SYTL5: variants seen among roughly 807,000 people sequenced by gnomAD.
SYTL5 encodes synaptotagmin-like protein 5.
A neutral mutation model predicts 55.9 loss-of-function variants in SYTL5; 34 were observed. The observed-to-expected ratio is 0.61, with a 90% CI of 0.46 to 0.81. The LOEUF (loss-of-function observed/expected upper bound fraction) is 0.81, where lower values mean the gene tolerates loss of function less well. SYTL5 is among the 30% of genes least tolerant of loss of function. The pLI, the probability that SYTL5 is intolerant of heterozygous loss-of-function variation, is 0.00. For missense variants in SYTL5, 637 were observed against 546.7 expected (o/e 1.17, Z -1.65); for synonymous variants, 221 against 188.7 (o/e 1.17, Z -1.40).
chrX:37,944,288 A>C, the SYTL5 span, among the ~76,000 whole-genome samples: 1 of 108,528 alleles, frequency 9.2e-6, no homozygotes, highest in African/African-American at 3.6e-5. Context: ...CTGTTGAAAA[A>C]GATTTTTTTT....
At chrX:38,114,057 C>T (rs1937425900) in intron 13 of SYTL5, among the ~76,000 whole-genome samples, 1 of 111,341 alleles carries the variant, frequency 9.0e-6, no homozygotes, top group Admixed American at 9.5e-5. Flanking sequence ...CCCCCTTCCC[C>T]AGTACCCTTC....
the SYTL5 span, among the ~76,000 whole-genome samples, chrX:37,982,613 A>G: frequency 8.9e-6 from 1 of 111,834 alleles, no homozygotes; most frequent in African/African-American, 3.2e-5. Context: ...TAAATAATGT[A>G]TGTCATACAT....
chrX:37,990,310 G>T, the SYTL5 span, among the ~76,000 whole-genome samples: 1 of 112,114 alleles, frequency 8.9e-6, no homozygotes, highest in Non-Finnish European at 1.9e-5. Context: ...AAACCAAAGA[G>T]TTGATATGGG....
rs3067489 is a variant in SYTL5 at position 38,037,788 on chromosome X, TGATAGATAGATA to T, written c.119+3817_119+3828del. Among the ~76,000 whole-genome samples, 485 of 82,440 alleles carry T rather than the reference TGATAGATAGATA, an allele frequency of 5.9e-3. 1 individual carries two copies. Among genetic ancestry groups the T allele is most frequent in the Admixed American group, 8.5e-3 (66 of 7,791 alleles). The allele number at this position is 82,440 out of a possible 115,157, so 71.6% of individuals were successfully genotyped here. On this transcript the variant is annotated intron_variant, in intron 2 of 16. Transcript: ENST00000297875. ...CAATTAAATTCTGCAAACATTTTTC[TGATAGATAGATA>T]GATAGATAGATAGATAGATAGATAG...
chrX:37,926,719 A>G, the SYTL5 span, among the ~76,000 whole-genome samples: 1 of 111,754 alleles, frequency 8.9e-6, no homozygotes, highest in African/African-American at 3.3e-5. Context: ...GTGGGCTACC[A>G]GTCTCCAGAA....
At chrX:37,955,461 A>T in the SYTL5 span, among the ~76,000 whole-genome samples, 1 of 112,219 alleles carries the variant, frequency 8.9e-6, no homozygotes, top group South Asian at 3.6e-4. Context: ...TGTTTGCAAA[A>T]TGAGTGAGGT....
At chrX:38,003,645 T>C (rs2147270160), upstream of SYTL5, among the ~76,000 whole-genome samples, 1 of 111,945 alleles carries the variant, frequency 8.9e-6, no homozygotes, top group South Asian at 3.7e-4. Context: ...AAAATGTCCA[T>C]ATTGCCCAAG....
At chrX:38,101,427 A>C (rs1230367606) in intron 9 of SYTL5, among the ~76,000 whole-genome samples, 2 of 111,332 alleles carry the variant, frequency 1.8e-5, no homozygotes, top group Non-Finnish European at 3.8e-5. Context: ...AGTTAAAAAA[A>C]TTCCCATGAA....
At chrX:38,092,162 C>T (rs1350430980) in intron 7 of SYTL5, among the ~76,000 whole-genome samples, 3 of 112,102 alleles carry the variant, frequency 2.7e-5, no homozygotes. Context: ...CATTTCTTAG[C>T]ATCTCTTTGT....
At chrX:37,921,828 C>G in the SYTL5 span, among the ~76,000 whole-genome samples, 1 of 111,500 alleles carries the variant, frequency 9.0e-6, no homozygotes, top group African/African-American at 3.3e-5. Flanking sequence ...TAAGAGGGAA[C>G]AATAATAGTG....
At chrX:38,002,199 TGG>T (rs1933875903), upstream of SYTL5, among the ~76,000 whole-genome samples, 1 of 111,900 alleles carries the variant, frequency 8.9e-6, no homozygotes, top group Admixed American at 9.5e-5. Context: ...ATCAACTCAT[TGG>T]TTTTTATGGC....
rs762043213 is a variant in SYTL5, at chrX:38,030,137, C to T, written c.-356-3397C>T. Among the ~76,000 whole-genome samples, 6 of 111,243 alleles carry T rather than the reference C, an allele frequency of 5.4e-5. No individual in the cohort carries two copies. The South Asian group carries it at 2.3e-3, about 43-fold the overall frequency. ...CTTCTAGGTTGCCAACAGCATACTT[C>T]TCTGATCTAAACATGCAAAAAGCCA... On this transcript the variant is annotated intron_variant, in intron 1 of 16. Transcript: ENST00000297875.
chrX:38,066,174 T>A (rs1460116410), intron 3 of SYTL5, among the ~76,000 whole-genome samples: 1 of 112,111 alleles, frequency 8.9e-6, no homozygotes, highest in Non-Finnish European at 1.9e-5. Context: ...AGAAAGGAAC[T>A]AATATCTTAT....
intron 8 of SYTL5, among the ~76,000 whole-genome samples, chrX:38,094,797 A>T (rs906193127): frequency 6.3e-5 from 7 of 111,961 alleles, no homozygotes; most frequent in Non-Finnish European, 1.1e-4. Context: ...TTGATATAGT[A>T]GTCAGAAGTT....
chrX:37,926,039 G>T, the SYTL5 span, among the ~76,000 whole-genome samples: 3 of 111,521 alleles, frequency 2.7e-5, 1 homozygote, highest in South Asian at 1.1e-3. Flanking sequence ...CCATATTTTT[G>T]CAATTGTGAA....
At chrX:38,105,158 C>T (rs1462256564) in intron 10 of SYTL5, among the ~76,000 whole-genome samples, 1 of 112,513 alleles carries the variant, frequency 8.9e-6, no homozygotes, top group Non-Finnish European at 1.9e-5. Context: ...ACAGTGTGTC[C>T]AACTGGACAA....
At chrX:37,898,371 T>C in the SYTL5 span, among the ~76,000 whole-genome samples, 1 of 111,810 alleles carries the variant, frequency 8.9e-6, no homozygotes, top group African/African-American at 3.2e-5. Flanking sequence ...CAGGGGGCCA[T>C]AGAATTCATA....
chrX:38,065,048 G>A (rs1018092928), intron 3 of SYTL5, among the ~76,000 whole-genome samples: 5 of 110,746 alleles, frequency 4.5e-5, no homozygotes, highest in African/African-American at 1.3e-4. Context: ...ACTGGTATTC[G>A]TATTATATGC....
intron 2 of SYTL5, among the ~76,000 whole-genome samples, chrX:38,036,973 G>A (rs1290202444): frequency 9.0e-6 from 1 of 111,648 alleles, no homozygotes; most frequent in East Asian, 2.8e-4. Flanking sequence ...CCCTTGATTT[G>A]CTAGTTGCAG....
Sources: allele counts gnomAD v4.1 joint callset (sites outside exome capture counted in the v4.1 genomes callset), GRCh38; gene constraint gnomAD v4.1.1; transcripts MANE v1.5; gene names NCBI Gene and HGNC (gene_info 2026-07-23, HGNC 2026-07-21).